The following ANK3 variants were observed in gnomAD, a reference collection of about 807,000 sequenced individuals.
ANK3 encodes the protein ankyrin 3, also known as ankyrin-3.
A neutral mutation model predicts 370.9 loss-of-function variants in ANK3; 57 were observed. The observed-to-expected ratio is 0.15, with a 90% CI of 0.12 to 0.19. The LOEUF is 0.19. ANK3 is among the 10% of genes least tolerant of loss of function. ANK3 has a pLI of 1.00. For synonymous variants in ANK3, 1,929 were observed against 1,946.3 expected (o/e 0.99, Z 0.23); for missense variants, 4,439 against 5,302.1 (o/e 0.84, Z 5.06).
At chr10:60,300,877 C>T (rs1315747196) in intron 1 of ANK3, among the ~76,000 whole-genome samples, 2 of 151,920 alleles carry the variant, frequency 1.3e-5, no homozygotes, top group Non-Finnish European at 2.9e-5. Context: ...TCTGTATTAG[C>T]TTTTCTAATG....
chr10:60,451,213 G>T (rs1041643521), intron 2 of ANK3, among the ~76,000 whole-genome samples: 3 of 152,146 alleles, frequency 2.0e-5, no homozygotes, highest in African/African-American at 2.4e-5. Flanking sequence ...TCTCCACAAG[G>T]AACCACCCTT....
chr10:60,398,963 T>C (rs1438204134), intron 2 of ANK3, among the ~76,000 whole-genome samples: 3 of 152,202 alleles, frequency 2.0e-5, no homozygotes, highest in Non-Finnish European at 4.4e-5. Context: ...TTTCCTATTA[T>C]ATACGACACA....
intron 1 of ANK3, among the ~76,000 whole-genome samples, chr10:60,732,817 G>T (rs993898779): frequency 6.6e-6 from 1 of 151,992 alleles, no homozygotes; most frequent in African/African-American, 2.4e-5. Context: ...TGCAGCCTCT[G>T]CAGCCTGCTT....
chr10:60,442,680 ACT>A (rs1491255762), intron 2 of ANK3, among the ~76,000 whole-genome samples: 1 of 149,584 alleles, frequency 6.7e-6, no homozygotes, highest in African/African-American at 2.4e-5. Context: ...AAAACTGAAA[ACT>A]CTTTCATGAT....
At chr10:60,390,729 AACACACAC>A (rs572520321), upstream of ANK3, among the ~76,000 whole-genome samples, 1,165 of 107,068 alleles carry the variant, frequency 0.011, 19 homozygotes, top group African/African-American at 0.036. Flanking sequence ...TAAAAAAAAG[AACACACAC>A]ACACACACAC....
At chr10:60,552,614 C>T (rs953563681) in intron 2 of ANK3, among the ~76,000 whole-genome samples, 5 of 152,066 alleles carry the variant, frequency 3.3e-5, no homozygotes, top group Admixed American at 6.6e-5. Context: ...TTTTTATGAA[C>T]CTAGTTTGCT....
intron 8 of ANK3, among the ~76,000 whole-genome samples, chr10:60,224,281 A>G (rs1240151282): frequency 6.6e-6 from 1 of 152,148 alleles, no homozygotes; most frequent in African/African-American, 2.4e-5. Context: ...CATAATGAAC[A>G]AGTTTCCCTT....
rs926401446 is a variant in ANK3 at position 60,691,481 on chromosome 10, C to T, written c.57+41782G>A. ...AGAACCAACGTAAAGCATTTAGAAT[C>T]GTACCAGGCACACAGAGAAGATCCA... is the stretch of plus-strand genomic sequence containing the variant. On this transcript the variant is annotated intron_variant, in intron 1 of 43. Coordinates refer to the ANK3 transcript ENST00000373827. Among the ~76,000 whole-genome samples the T allele has an allele frequency of 6.6e-5, 10 of 152,116 alleles. No individual in the cohort carries two copies. The East Asian group carries it at 1.3e-3, about 21-fold the overall frequency.
At chr10:60,657,427 G>A (rs1330644620) in intron 1 of ANK3, among the ~76,000 whole-genome samples, 1 of 152,126 alleles carries the variant, frequency 6.6e-6, no homozygotes, top group Non-Finnish European at 1.5e-5. Flanking sequence ...TGAGATTACA[G>A]GTGCATGCAT....
intron 2 of ANK3, among the ~76,000 whole-genome samples, chr10:60,586,515 C>A (rs2077833799): frequency 6.6e-6 from 1 of 152,128 alleles, no homozygotes; most frequent in South Asian, 2.1e-4. Context: ...GATGCAGTAA[C>A]CAACTGAGAC....
chr10:60,587,031 C>T (rs1022723950), intron 2 of ANK3, among the ~76,000 whole-genome samples: 3 of 152,174 alleles, frequency 2.0e-5, no homozygotes, highest in African/African-American at 7.2e-5. Context: ...TTAATTGACT[C>T]ACAGTTCTGC....
intron 7 of ANK3, among the ~76,000 whole-genome samples, chr10:60,254,980 G>T (rs1274491484): frequency 1.3e-5 from 2 of 152,174 alleles, no homozygotes. Flanking sequence ...AAATGTGTAA[G>T]ATGACACAGG....
At chr10:60,328,613 C>A (rs1192374047) in intron 1 of ANK3, among the ~76,000 whole-genome samples, 1 of 152,100 alleles carries the variant, frequency 6.6e-6, no homozygotes, top group Non-Finnish European at 1.5e-5. Context: ...CCTGAATGGA[C>A]CAATAACAAG....
Position 60,027,039 on chromosome 10 carries a change from G to A in ANK3, c.*2807C>T, listed in dbSNP as rs2131819882. 6.6e-6 allele frequency: 1 copy of A among 152,066 alleles called. No homozygotes were observed. The highest frequency in any genetic ancestry group is 2.1e-4 in the South Asian group (1 of 4,818). 9.4% of individuals were successfully genotyped at this position (152,066 alleles called of 1,614,324 possible). A position where few individuals can be genotyped will look rare whatever the true frequency, so the allele number is the denominator to read the frequency against. Reference sequence around the variant, plus strand: ...AGTTAAATCTTGAATGTCATATTTTGGATACTTCTGAGTAAACTTATGACC... The same window carrying A: ...AGTTAAATCTTGAATGTCATATTTTAGATACTTCTGAGTAAACTTATGACC... On this transcript the variant is annotated 3_prime_UTR_variant, in exon 44 of 44. Transcript: ENST00000280772.
chr10:60,175,603 T>C (rs1188074752), intron 18 of ANK3, among the ~76,000 whole-genome samples: 1 of 152,202 alleles, frequency 6.6e-6, no homozygotes, highest in Non-Finnish European at 1.5e-5. Context: ...AGCAAAACCC[T>C]GCAAAATGCA....
At chr10:60,035,022 G>GGA (rs1216239692) in intron 43 of ANK3, among the ~76,000 whole-genome samples, 1 of 72,496 alleles carries the variant, frequency 1.4e-5, no homozygotes, top group East Asian at 2.1e-4. Context: ...TCAAAGGGCT[G>GGA]GAAAAAAATA....
intron 34 of ANK3, 48 bp from the exon 35 acceptor site, chr10:60,082,224 C>G (rs2085453964): frequency 6.6e-7 from 1 of 1,508,534 alleles, no homozygotes; most frequent in African/African-American, 1.4e-5. Flanking sequence ...TTATAATGGA[C>G]AGCAGGGAAA....
intron 1 of ANK3, among the ~76,000 whole-genome samples, chr10:60,281,202 T>C (rs2098157247): frequency 6.6e-6 from 1 of 152,160 alleles, no homozygotes; most frequent in Non-Finnish European, 1.5e-5. Context: ...TCTTTTACAG[T>C]AATGAGCCTC....
At chr10:60,227,969 T>C (rs944042020) in intron 8 of ANK3, among the ~76,000 whole-genome samples, 2 of 152,210 alleles carry the variant, frequency 1.3e-5, no homozygotes, top group African/African-American at 2.4e-5. Context: ...ATGTATGATA[T>C]GTTATAAATA....
Sources: allele counts gnomAD v4.1 joint callset (sites outside exome capture counted in the v4.1 genomes callset), GRCh38; gene constraint gnomAD v4.1.1; transcripts MANE v1.5; gene names NCBI Gene and HGNC (gene_info 2026-07-23, HGNC 2026-07-21).